Variants in AGBL1 observed in about 807,000 individuals in gnomAD.
AGBL1 encodes the protein AGBL carboxypeptidase 1.
AGBL1 carries 130 observed loss-of-function variants against 118.9 expected under a neutral mutation model. That is an observed-to-expected ratio of 1.09 (90% confidence interval 0.95 to 1.26). The LOEUF (loss-of-function observed/expected upper bound fraction) is 1.26, where lower values mean the gene tolerates loss of function less well. Among genes scored for constraint, AGBL1 ranks in the 50% most tolerant of loss-of-function variants. The pLI is 0.00. For synonymous variants in AGBL1, 555 were observed against 478.9 expected, an observed-to-expected ratio of 1.16 and a Z score of -2.08; for missense variants, 1,584 against 1,298.1, an observed-to-expected ratio of 1.22 and a Z score of -3.38.
chr15:86,357,394 A>C (rs1471460425), intron 17 of AGBL1, among the ~76,000 whole-genome samples: 1 of 152,216 alleles, frequency 6.6e-6, no homozygotes, highest in East Asian at 1.9e-4. Context: ...AATTGGCGCA[A>C]CATTGGAGTG....
chr15:86,541,593 CAAAAAAA>C (rs34178328), intron 19 of AGBL1, among the ~76,000 whole-genome samples: 1 of 58,212 alleles, frequency 1.7e-5, no homozygotes, highest in African/African-American at 7.0e-5. Context: ...GACTATGTCT[CAAAAAAA>C]AAAAAAAAAA....
intron 18 of AGBL1, among the ~76,000 whole-genome samples, chr15:86,410,139 G>A (rs1463985211): frequency 2.0e-5 from 3 of 152,074 alleles, no homozygotes; most frequent in Non-Finnish European, 4.4e-5. Flanking sequence ...TAAAATACAT[G>A]AAAGCCTATA....
chr15:86,628,490 A>T (rs1248914720), intron 21 of AGBL1, among the ~76,000 whole-genome samples: 2 of 151,862 alleles, frequency 1.3e-5, no homozygotes, highest in Non-Finnish European at 2.9e-5. Context: ...TATTGAACTA[A>T]TTTTTTTTCT....
rs180809101 is a variant in AGBL1 at position 86,657,904 on chromosome 15, T to C, written c.2995-16369T>C. ...ACCCTGGATTTAGGTTTAGGGGAGC[T>C]AAGTTAGGGATGCAAGTCTCCTGCT... On this transcript the variant is annotated intron_variant, in intron 21 of 22. Coordinates refer to ENST00000614907, the MANE Select transcript of AGBL1 (RefSeq NM_001386094.1). 1.3e-3 allele frequency among the ~76,000 whole-genome samples: 194 copies of C among 151,936 alleles called. 2 individuals are homozygous for C. The highest frequency in any genetic ancestry group is 4.6e-3 in the African/African-American group (191 of 41,432).
At chr15:86,159,996 T>C (rs972429207) in intron 5 of AGBL1, among the ~76,000 whole-genome samples, 1 of 152,172 alleles carries the variant, frequency 6.6e-6, no homozygotes, top group African/African-American at 2.4e-5. Context: ...TGCTGGTTTC[T>C]TTACTGTAAG....
At chr15:86,218,141 T>G (rs2078219992) in intron 5 of AGBL1, among the ~76,000 whole-genome samples, 1 of 152,194 alleles carries the variant, frequency 6.6e-6, no homozygotes, top group Non-Finnish European at 1.5e-5. Context: ...GAAATTACAT[T>G]TCTCATTAAA....
downstream of AGBL1, chr15:87,029,166 C>T (rs2570125): frequency 0.51 from 111,443 of 217,658 alleles, 32,068 homozygotes; most frequent in African/African-American, 0.84. Context: ...CATAGATAGT[C>T]TTCTACTCAA....
At chr15:86,652,269 G>C (rs1369669697) in intron 21 of AGBL1, among the ~76,000 whole-genome samples, 2 of 152,076 alleles carry the variant, frequency 1.3e-5, no homozygotes, top group African/African-American at 4.8e-5. Context: ...TCGCAGCTGT[G>C]ACATGACTTC....
chr15:87,001,459 T>C (rs2081436596), intron 24 of AGBL1, among the ~76,000 whole-genome samples: 1 of 152,074 alleles, frequency 6.6e-6, no homozygotes, highest in Admixed American at 6.6e-5. Context: ...TGTGTCTTTA[T>C]AGTAGCATGA....
At chr15:86,174,275 C>G (rs1020245263) in intron 5 of AGBL1, among the ~76,000 whole-genome samples, 13 of 151,962 alleles carry the variant, frequency 8.6e-5, no homozygotes, top group African/African-American at 3.1e-4. Context: ...GATAGAAATA[C>G]TACTGATATT....
chr15:86,598,418 C>T (rs2084441791), intron 21 of AGBL1, among the ~76,000 whole-genome samples: 1 of 152,070 alleles, frequency 6.6e-6, no homozygotes, highest in African/African-American at 2.4e-5. Context: ...GTAGCTTTTT[C>T]CTTAATGCAA....
At chr15:86,511,838 C>T (rs534239529) in intron 18 of AGBL1, among the ~76,000 whole-genome samples, 5 of 151,912 alleles carry the variant, frequency 3.3e-5, no homozygotes, top group East Asian at 1.9e-4. Flanking sequence ...TTATTTTTCC[C>T]GTGTGATAGG....
chr15:86,405,502 A>C (rs1022701048), intron 18 of AGBL1, among the ~76,000 whole-genome samples: 2 of 151,984 alleles, frequency 1.3e-5, no homozygotes, highest in African/African-American at 4.8e-5. Flanking sequence ...GTGAGACTCT[A>C]TCTCAAAAAA....
intron 18 of AGBL1, among the ~76,000 whole-genome samples, chr15:86,410,679 G>A (rs987560319): frequency 6.7e-6 from 1 of 149,566 alleles, no homozygotes; most frequent in Non-Finnish European, 1.5e-5. Flanking sequence ...CTCAATGGTA[G>A]GGCCAAACAG....
intron 23 of AGBL1, among the ~76,000 whole-genome samples, chr15:86,954,280 C>A (rs971468287): frequency 6.6e-6 from 1 of 152,130 alleles, no homozygotes; most frequent in African/African-American, 2.4e-5. Context: ...TTCGACTTGG[C>A]AATCCCATTA....
intron 21 of AGBL1, among the ~76,000 whole-genome samples, chr15:86,591,844 AC>A (rs918431834): frequency 6.6e-6 from 1 of 152,000 alleles, no homozygotes; most frequent in African/African-American, 2.4e-5. Context: ...GAAGATCCCA[AC>A]CCCCTAATTG....
intron 17 of AGBL1, among the ~76,000 whole-genome samples, chr15:86,307,202 A>AT (rs1337797174): frequency 6.6e-6 from 1 of 151,496 alleles, no homozygotes; most frequent in East Asian, 1.9e-4. Flanking sequence ...AATGTTTGTG[A>AT]TTTTCATTTC....
At chr15:86,127,700 T>C (rs530380419) in intron 1 of AGBL1, among the ~76,000 whole-genome samples, 2 of 152,368 alleles carry the variant, frequency 1.3e-5, no homozygotes, top group African/African-American at 4.8e-5. Flanking sequence ...CCATCCTCCC[T>C]TGCAGTTATG....
chr15:86,969,114 A>T (rs896601787), intron 23 of AGBL1, among the ~76,000 whole-genome samples: 1 of 151,974 alleles, frequency 6.6e-6, no homozygotes, highest in Non-Finnish European at 1.5e-5. Context: ...TTCCATCCCA[A>T]TAGCATCAAA....
Sources: gnomAD v4.1 joint callset for allele counts (sites outside exome capture counted in the v4.1 genomes callset) on GRCh38, gnomAD v4.1.1 for gene constraint, MANE v1.5 for transcripts, NCBI Gene and HGNC (gene_info 2026-07-23, HGNC 2026-07-21) for gene names.